LYRM4: variants seen among roughly 807,000 people sequenced by gnomAD.
LYRM4 encodes the protein LYR motif containing 4.
LYRM4 carries 9 observed loss-of-function variants against 11.7 expected under a neutral mutation model. The observed-to-expected ratio is 0.77, with a 90% CI of 0.46 to 1.34. The LOEUF is 1.34. LYRM4 is among the 40% of genes most tolerant of loss of function. The probability of loss-of-function intolerance (pLI) is 0.00; values close to 1 mark genes in which losing one functional copy is unlikely to be tolerated. For synonymous variants in LYRM4, 42 were observed against 40.4 expected, an observed-to-expected ratio of 1.04 and a Z score of -0.15; for missense variants, 133 against 112.5, an observed-to-expected ratio of 1.18 and a Z score of -0.82.
chr6:5,142,489 T>C (rs1034942195), intron 2 of LYRM4, among the ~76,000 whole-genome samples: 4 of 152,208 alleles, frequency 2.6e-5, no homozygotes, highest in East Asian at 1.9e-4. Context: ...TCTTGACCTA[T>C]AGAAGTGGGA....
At chr6:5,159,826 A>G (rs547385175) in intron 2 of LYRM4, among the ~76,000 whole-genome samples, 6 of 152,214 alleles carry the variant, frequency 3.9e-5, no homozygotes, top group Non-Finnish European at 5.9e-5. Context: ...TTTGGCTTCT[A>G]TCAAACACAG....
intron 2 of LYRM4, among the ~76,000 whole-genome samples, chr6:5,117,955 C>T (rs991203463): frequency 6.6e-6 from 1 of 151,736 alleles, no homozygotes; most frequent in Non-Finnish European, 1.5e-5. Context: ...ACCCTGTTGC[C>T]TTTGAGTACC....
At chr6:5,036,543 T>C in the LYRM4 span, among the ~76,000 whole-genome samples, 1 of 152,214 alleles carries the variant, frequency 6.6e-6, no homozygotes, top group Non-Finnish European at 1.5e-5. Flanking sequence ...GGCCATGGTT[T>C]GTCCTGACTC....
chr6:5,122,330 G>A (rs1000393718), intron 2 of LYRM4, among the ~76,000 whole-genome samples: 1 of 152,100 alleles, frequency 6.6e-6, no homozygotes, highest in African/African-American at 2.4e-5. Flanking sequence ...GCATTGAGAT[G>A]TCACCACTCT....
chr6:5,187,166 C>A (rs1760453962), intron 2 of LYRM4, among the ~76,000 whole-genome samples: 1 of 152,172 alleles, frequency 6.6e-6, no homozygotes, highest in South Asian at 2.1e-4. Flanking sequence ...AGAGGCGATA[C>A]TACCTTTCAT....
At chr6:5,154,696 G>A (rs1758293350) in intron 2 of LYRM4, among the ~76,000 whole-genome samples, 1 of 152,186 alleles carries the variant, frequency 6.6e-6, no homozygotes, top group Non-Finnish European at 1.5e-5. Flanking sequence ...TCACGCGCCT[G>A]TAGTCCCAGC....
chr6:5,053,084 CTTG>C, the LYRM4 span, among the ~76,000 whole-genome samples: 3 of 152,100 alleles, frequency 2.0e-5, no homozygotes, highest in Admixed American at 6.5e-5. Context: ...CTATGTAGTA[CTTG>C]TTGTTTTGGA....
intron 2 of LYRM4, among the ~76,000 whole-genome samples, chr6:5,139,801 C>T (rs1269014234): frequency 6.6e-6 from 1 of 151,276 alleles, no homozygotes; most frequent in African/African-American, 2.4e-5. Flanking sequence ...TTCTTCCAGG[C>T]TGGGGCGTGG....
Position 5,260,910 on chromosome 6 carries a change from G to A in LYRM4, c.-177C>T, listed in dbSNP as rs1211565134. On this transcript the variant is annotated 5_prime_UTR_variant, in exon 1 of 3. Coordinates refer to ENST00000330636, the MANE Select transcript of LYRM4 (RefSeq NM_020408.6). ...GCCCTGCGGATCGCGGACGGCGCCA[G>A]GCGTCCCGCGCCGCTTCGGGGGCGG... 3 of 1,377,272 alleles carry A rather than the reference G, an allele frequency of 2.2e-6. No homozygotes were observed. In the African/African-American group the frequency reaches 4.6e-5, roughly 21 times the overall value. The allele number at this position is 1,377,272 out of a possible 1,614,324, so 85.3% of individuals were successfully genotyped here. A position where few individuals can be genotyped will look rare whatever the true frequency, so the allele number is the denominator to read the frequency against.
the LYRM4 span, among the ~76,000 whole-genome samples, chr6:5,046,438 T>C: frequency 2.6e-5 from 4 of 152,146 alleles, no homozygotes; most frequent in African/African-American, 9.7e-5. Context: ...TCCACTATTT[T>C]TTATCATAAT....
At chr6:5,158,472 CGT>C (rs1491186310) in intron 2 of LYRM4, among the ~76,000 whole-genome samples, 3 of 131,676 alleles carry the variant, frequency 2.3e-5, no homozygotes, top group Non-Finnish European at 4.8e-5. Flanking sequence ...CTGGTCTCCA[CGT>C]TTTTTTTTTT....
chr6:5,215,685 AG>A (rs1400225076), intron 2 of LYRM4, among the ~76,000 whole-genome samples: 2 of 152,210 alleles, frequency 1.3e-5, no homozygotes, highest in African/African-American at 4.8e-5. Context: ...GGTCAGGGAA[AG>A]ATTATTATCT....
intron 2 of LYRM4, among the ~76,000 whole-genome samples, chr6:5,176,405 T>A (rs192020679): frequency 5.4e-4 from 82 of 152,336 alleles, no homozygotes; most frequent in Non-Finnish European, 1.1e-3. Flanking sequence ...ATTGTTGGTA[T>A]ACTAAGGCCT....
In LYRM4 at chr6:5,249,034, G is replaced by C. The variant is rs117788387; in HGVS notation, c.86+11614C>G. Reference sequence around the variant, plus strand: ...CAACAAATTTAACTGAATTGGCAAAGTGACGGTTAGCTATGAGAAATTTCA... The same window carrying C: ...CAACAAATTTAACTGAATTGGCAAACTGACGGTTAGCTATGAGAAATTTCA... On this transcript the variant is annotated intron_variant, in intron 1 of 2. Coordinates refer to ENST00000330636, the MANE Select transcript of LYRM4 (RefSeq NM_020408.6). Among the ~76,000 whole-genome samples the C allele has an allele frequency of 2.9e-3, 436 of 152,360 alleles. 10 individuals are homozygous for C. In the East Asian group the frequency reaches 0.058, roughly 20 times the overall value.
chr6:5,242,625 C>G lies in LYRM4; in HGVS notation c.86+18023G>C, dbSNP rs1303017458. Among the ~76,000 whole-genome samples, 5 of 150,706 alleles carry G rather than the reference C, an allele frequency of 3.3e-5. No individual in the cohort carries two copies. In the South Asian group the frequency reaches 6.5e-4, roughly 20 times the overall value. ...ATCCCAGATACTCGGGAGGCTGAGG[C>G]AGGAGAACCACTTGAACATGGAGGC... is the stretch of plus-strand genomic sequence containing the variant. On this transcript the variant is annotated intron_variant, in intron 1 of 2. Coordinates refer to ENST00000330636, the MANE Select transcript of LYRM4 (RefSeq NM_020408.6).
In LYRM4 at chr6:5,120,867, A is replaced by G. The variant is rs533570396; in HGVS notation, c.208-11376T>C. Among the ~76,000 whole-genome samples the G allele has an allele frequency of 3.3e-5, 5 of 152,336 alleles. No individual in the cohort carries two copies. The South Asian group carries it at 1.0e-3, about 32-fold the overall frequency. On this transcript the variant is annotated intron_variant, in intron 2 of 2. Transcript: ENST00000330636. The stretch of plus-strand genomic sequence containing the variant: ...GCATTTTACAATCCTCTTGTAAGAC[A>G]GAAAAGTTCTCCAAGTCCCCACTCG...
In LYRM4 at chr6:5,197,037, C is replaced by T. The variant is rs145176607; in HGVS notation, c.207+19581G>A. On this transcript the variant is annotated intron_variant, in intron 2 of 2. Coordinates refer to ENST00000330636, the MANE Select transcript of LYRM4 (RefSeq NM_020408.6). Reference sequence around the variant, plus strand: ...TGACACGAGCAGTTAGAGAGTAATGCTCATCAATACACATCTAACCACTGT... The same window carrying T: ...TGACACGAGCAGTTAGAGAGTAATGTTCATCAATACACATCTAACCACTGT... Among the ~76,000 whole-genome samples, 44 of 152,272 alleles carry T rather than the reference C, an allele frequency of 2.9e-4. 1 individual carries two copies. In the East Asian group the frequency reaches 8.3e-3, roughly 29 times the overall value.
At chr6:5,176,797 G>A (rs549505325) in intron 2 of LYRM4, among the ~76,000 whole-genome samples, 24 of 152,318 alleles carry the variant, frequency 1.6e-4, no homozygotes, top group South Asian at 8.3e-4. Context: ...TGGTGAATGT[G>A]TATCTCAGAT....
At chr6:5,216,573 T>A (rs376480070) in intron 2 of LYRM4, 45 bp downstream of exon 2, 2 of 1,611,288 alleles carry the variant, frequency 1.2e-6, no homozygotes, top group African/African-American at 1.3e-5. Flanking sequence ...TATGTCGAAG[T>A]TTAAAGCTCT....
Sources: gnomAD v4.1 joint callset for allele counts (sites outside exome capture counted in the v4.1 genomes callset) on GRCh38, gnomAD v4.1.1 for gene constraint, MANE v1.5 for transcripts, NCBI Gene and HGNC (gene_info 2026-07-23, HGNC 2026-07-21) for gene names.